MTAP: variants seen among roughly 807,000 people sequenced by gnomAD.
MTAP encodes the protein S-methyl-5'-thioadenosine phosphorylase.
In MTAP, 33 loss-of-function variants were observed where a neutral mutation model predicts 33.6. The ratio of observed to expected loss-of-function variants is 0.98; its 90% confidence interval spans 0.74 to 1.31. MTAP has a LOEUF of 1.31. MTAP is among the 40% of genes most tolerant of loss of function. MTAP has a pLI of 0.00. For synonymous variants in MTAP, 148 were observed against 125.7 expected (o/e 1.18, Z -1.19); for missense variants, 367 against 360.0 (o/e 1.02, Z -0.16).
chr9:21,918,280 G>A (rs1234241666), intron 1 of MTAP, among the ~76,000 whole-genome samples: 1 of 127,132 alleles, frequency 7.9e-6, no homozygotes, highest in East Asian at 2.0e-4. Flanking sequence ...AACCCGGGAG[G>A]CGGAGCTTGC....
At chr9:21,915,000 T>TTCCTTCCTTCC (rs1818653467) in intron 1 of MTAP, among the ~76,000 whole-genome samples, 3 of 83,736 alleles carry the variant, frequency 3.6e-5, no homozygotes, top group Admixed American at 1.5e-4. Flanking sequence ...CTTTGTTTTC[T>TTCCTTCCTTCC]TTCCTTCCTT....
chr9:21,905,106 G>C (rs757010812), intron 1 of MTAP, among the ~76,000 whole-genome samples: 7 of 152,170 alleles, frequency 4.6e-5, no homozygotes, highest in Non-Finnish European at 1.0e-4. Context: ...GTGTTAATCA[G>C]CTCAATTAGA....
rs946544187 is a variant in MTAP at position 21,802,886 on chromosome 9, C to T, written c.33+105C>T. On this transcript the variant is annotated intron_variant, in intron 1 of 7. Transcript: ENST00000644715. ...GGGGCCATGCGCCCGGCCCGTGCGT[C>T]CCTTGCCGCCGCGGGGAGGGACTGG... is the stretch of plus-strand genomic sequence containing the variant. The T allele has an allele frequency of 2.0e-6, 3 of 1,500,230 alleles. No homozygotes were observed. In the African/African-American group the frequency reaches 4.3e-5, roughly 21 times the overall value. 92.9% of individuals were successfully genotyped at this position (1,500,230 alleles called of 1,614,324 possible).
At chr9:21,812,126 C>A in intron 1 of MTAP, 1 of 191,548 alleles carries the variant, frequency 5.2e-6, no homozygotes, top group Non-Finnish European at 1.1e-5. Flanking sequence ...GCTGGTTGTC[C>A]CAGCTGGTCA....
Position 21,864,419 on chromosome 9 carries a change from C to T in MTAP, c.*2405C>T, listed in dbSNP as rs551514279. 426 of 985,108 alleles carry T rather than the reference C, an allele frequency of 4.3e-4. 2 individuals are homozygous for T. In the African/African-American group the frequency reaches 6.8e-3, roughly 16 times the overall value. 61.0% of individuals were successfully genotyped at this position (985,108 alleles called of 1,614,324 possible). A position where few individuals can be genotyped will look rare whatever the true frequency, so the allele number is the denominator to read the frequency against. On this transcript the variant is annotated 3_prime_UTR_variant, in exon 8 of 8. Transcript: ENST00000644715. The stretch of plus-strand genomic sequence containing the variant: ...GGTCAGTTGTGAGCATTTTGGTTTC[C>T]GCAAAGGATGGATGGTGAGCATCAT...
chr9:21,929,835 T>C, intron 1 of MTAP: 1 of 243,236 alleles, frequency 4.1e-6, no homozygotes, highest in East Asian at 9.1e-5. Context: ...TCTATTTGTC[T>C]TATGGCCAAA....
downstream of MTAP, among the ~76,000 whole-genome samples, chr9:21,871,768 C>G (rs7032635): frequency 0.018 from 2,728 of 152,208 alleles, 78 homozygotes; most frequent in African/African-American, 0.061. Flanking sequence ...AAACCACCTG[C>G]AGCTCATATT....
chr9:21,856,141 T>C (rs1825637887), intron 6 of MTAP: 1 of 984,686 alleles, frequency 1.0e-6, no homozygotes, highest in Admixed American at 6.1e-5. Flanking sequence ...ATTTATCTCA[T>C]TTTAAGATAA....
chr9:21,929,508 C>A lies in MTAP; in HGVS notation c.148-1500C>A. On this transcript the variant is annotated intron_variant, in intron 1 of 1. Transcript: ENST00000577563. Reference sequence around the variant, plus strand: ...TCAACGCTTTACTGGCAGCACACTGCCATCCTGATTTCCTGTTATGAGAAA... The same window carrying A: ...TCAACGCTTTACTGGCAGCACACTGACATCCTGATTTCCTGTTATGAGAAA... The A allele has an allele frequency of 1.7e-5, 5 of 288,114 alleles. No homozygotes were observed. The South Asian group carries it at 2.2e-4, about 13-fold the overall frequency. 17.8% of individuals were successfully genotyped at this position (288,114 alleles called of 1,614,324 possible).
At chr9:21,834,468 G>A (rs190482990) in intron 4 of MTAP, among the ~76,000 whole-genome samples, 2 of 152,366 alleles carry the variant, frequency 1.3e-5, no homozygotes, top group Admixed American at 6.5e-5. Context: ...TAAGTTTGGA[G>A]TGTATCGTGG....
chr9:21,854,839 A>G lies in MTAP; in HGVS notation c.659A>G (p.Asp220Gly). Reference protein sequence around the residue: ...ICYASIAMATDYDCWKEHEEA... With the variant: ...ICYASIAMATGYDCWKEHEEA... ...TACGCAAGTATCGCCATGGCGACAG[A>G]TTATGACTGCTGGAAGGAGCACGAG... is the stretch of plus-strand genomic sequence containing the variant. Residue 220 changes from aspartate to glycine, a missense_variant, in exon 6 of 8, where the codon GAT becomes GGT. Asp to Gly is a moderately conservative substitution (Grantham distance 94, BLOSUM62 -1). Coordinates refer to ENST00000644715, the MANE Select transcript of MTAP (RefSeq NM_002451.4). 1 of 1,614,148 alleles carries G rather than the reference A, an allele frequency of 6.2e-7. No homozygotes were observed. Among genetic ancestry groups the G allele is most frequent in the Non-Finnish European group, 8.5e-7 (1 of 1,179,988 alleles).
chr9:21,835,865 G>T (rs1231410157), intron 4 of MTAP, among the ~76,000 whole-genome samples: 1 of 152,192 alleles, frequency 6.6e-6, no homozygotes, highest in Non-Finnish European at 1.5e-5. Flanking sequence ...AATACTGAAT[G>T]TATTGACAGT....
In MTAP at chr9:21,884,562, G is replaced by A. The variant is rs555264716; in HGVS notation, c.147+29692G>A. 5.3e-5 allele frequency among the ~76,000 whole-genome samples: 8 copies of A among 152,326 alleles called. No individual in the cohort carries two copies. The East Asian group carries it at 1.5e-3, about 29-fold the overall frequency. On this transcript the variant is annotated intron_variant, in intron 1 of 1. Coordinates refer to the MTAP transcript ENST00000577563. ...TATTTCTCACAGTTCTAAAGGCTGG[G>A]AAGTGCAAGATAAAGTATTGGCAGA...
At chr9:21,831,423 A>G (rs999359788) in intron 4 of MTAP, among the ~76,000 whole-genome samples, 2 of 151,664 alleles carry the variant, frequency 1.3e-5, no homozygotes, top group Non-Finnish European at 2.9e-5. Context: ...TGTAGCCTCT[A>G]CCTCCTGGGC....
chr9:21,911,778 T>C (rs1271646894), intron 1 of MTAP, among the ~76,000 whole-genome samples: 1 of 151,646 alleles, frequency 6.6e-6, no homozygotes, highest in Non-Finnish European at 1.5e-5. Flanking sequence ...ATAACCAAGA[T>C]GGGAGCAGAA....
chr9:21,808,330 A>G (rs1280616445), intron 1 of MTAP, among the ~76,000 whole-genome samples: 1 of 152,064 alleles, frequency 6.6e-6, no homozygotes, highest in Non-Finnish European at 1.5e-5. Context: ...CATGCCTGTA[A>G]TCATAGCACT....
intron 5 of MTAP, among the ~76,000 whole-genome samples, chr9:21,841,458 A>G (rs975692896): frequency 2.6e-5 from 4 of 152,244 alleles, no homozygotes; most frequent in African/African-American, 9.6e-5. Flanking sequence ...CACTGCTAGC[A>G]TAAGCAGCAT....
At chr9:21,841,018 A>G (rs1027133048) in intron 5 of MTAP, among the ~76,000 whole-genome samples, 10 of 152,144 alleles carry the variant, frequency 6.6e-5, no homozygotes, top group Non-Finnish European at 1.2e-4. Flanking sequence ...GAGGCAGTCA[A>G]GATCTCCTCT....
At chr9:21,870,344 C>G (rs73438594), downstream of MTAP, among the ~76,000 whole-genome samples, 4,827 of 152,296 alleles carry the variant, frequency 0.032, 184 homozygotes, top group African/African-American at 0.089. Flanking sequence ...CCAAAATGTA[C>G]AACCTCTGTG....
Sources: allele counts gnomAD v4.1 joint callset (sites outside exome capture counted in the v4.1 genomes callset), GRCh38; gene constraint gnomAD v4.1.1; transcripts MANE v1.5; gene names NCBI Gene and HGNC (gene_info 2026-07-23, HGNC 2026-07-21).